PARD3B: variants seen among roughly 807,000 people sequenced by gnomAD.
PARD3B encodes the protein par-3 family cell polarity regulator beta.
In PARD3B, 103 loss-of-function variants were observed where a neutral mutation model predicts 130.2. That is an observed-to-expected ratio of 0.79 (90% confidence interval 0.67 to 0.93). The LOEUF (loss-of-function observed/expected upper bound fraction) is 0.93. PARD3B is among the 40% of genes least tolerant of loss of function. The probability of loss-of-function intolerance (pLI) is 0.00; values close to 1 mark genes in which losing one functional copy is unlikely to be tolerated. For missense variants in PARD3B, 1,609 were observed against 1,499.2 expected (o/e 1.07, Z -1.21); for synonymous variants, 583 against 553.2 (o/e 1.05, Z -0.76).
intron 2 of PARD3B, among the ~76,000 whole-genome samples, chr2:204,961,467 T>C (rs1480140525): frequency 7.2e-5 from 11 of 152,172 alleles, no homozygotes; most frequent in Non-Finnish European, 1.5e-4. Context: ...TAAAGAGCTA[T>C]GGAAAGAGCT....
intron 2 of PARD3B, among the ~76,000 whole-genome samples, chr2:204,944,507 C>T (rs182362765): frequency 2.9e-3 from 449 of 152,286 alleles, no homozygotes; most frequent in African/African-American, 9.7e-3. Flanking sequence ...TTGTGAAAGT[C>T]CTGTCTGAGG....
chr2:204,661,384 G>T (rs1299711331), intron 1 of PARD3B, among the ~76,000 whole-genome samples: 1 of 152,104 alleles, frequency 6.6e-6, no homozygotes, highest in Non-Finnish European at 1.5e-5. Context: ...AGATGCTGCT[G>T]TTGAAGGCCT....
intron 1 of PARD3B, among the ~76,000 whole-genome samples, chr2:204,633,453 C>T (rs983166715): frequency 6.6e-6 from 1 of 152,122 alleles, no homozygotes; most frequent in African/African-American, 2.4e-5. Flanking sequence ...CATCTAAAAA[C>T]AGTTAATTTA....
chr2:204,770,888 T>C (rs2041342567), intron 2 of PARD3B, among the ~76,000 whole-genome samples: 1 of 152,086 alleles, frequency 6.6e-6, no homozygotes, highest in Admixed American at 6.6e-5. Context: ...ATTTTTAATC[T>C]CTTGTGCAAT....
At chr2:205,488,118 TAAAC>T (rs1196872456) in intron 20 of PARD3B, among the ~76,000 whole-genome samples, 2 of 152,212 alleles carry the variant, frequency 1.3e-5, no homozygotes, top group African/African-American at 4.8e-5. Context: ...AGTCATGTCT[TAAAC>T]AAGGTTAGTT....
At chr2:204,639,125 G>C (rs758814315) in intron 1 of PARD3B, among the ~76,000 whole-genome samples, 4 of 152,200 alleles carry the variant, frequency 2.6e-5, no homozygotes, top group Non-Finnish European at 5.9e-5. Context: ...AGGACACAGG[G>C]ATTGGGGAAA....
rs1259255399 is a variant in PARD3B at position 205,126,603 on chromosome 2, G to A, written c.1434+866G>A. ...AAAAATACAAAAAAAAAAATTAGCC[G>A]GGCGCGGTGGCGGGCACCTGTAGTC... is the stretch of plus-strand genomic sequence containing the variant. On this transcript the variant is annotated intron_variant, in intron 10 of 22. Transcript: ENST00000406610. 6.6e-5 allele frequency among the ~76,000 whole-genome samples: 10 copies of A among 150,706 alleles called. No homozygotes were observed. In the South Asian group the frequency reaches 8.4e-4, roughly 13 times the overall value.
rs896918831 is a variant in PARD3B, at chr2:205,470,149, G to A, written c.3044+29477G>A. Among the ~76,000 whole-genome samples the A allele has an allele frequency of 6.6e-6, 1 of 152,070 alleles. No individual in the cohort carries two copies. Among genetic ancestry groups the A allele is most frequent in the Non-Finnish European group, 1.5e-5 (1 of 68,010 alleles). ...AAGTGATCTCAGCATTTTTTTTCCA[G>A]TTCCAAAATTATATGGTTCTGCAAT... is the stretch of plus-strand genomic sequence containing the variant. On this transcript the variant is annotated intron_variant, in intron 20 of 22. Transcript: ENST00000406610. The surrounding 1 kb of genome is among the most constrained non-coding windows in gnomAD (Gnocchi z 4.8).
rs1438329736 is a variant in PARD3B, at chr2:205,352,733, G to C, written c.2631-48280G>C. Among the ~76,000 whole-genome samples, 1 of 152,064 alleles carries C rather than the reference G, an allele frequency of 6.6e-6. No individual in the cohort carries two copies. The highest frequency in any genetic ancestry group is 1.9e-4 in the East Asian group (1 of 5,184). On this transcript the variant is annotated intron_variant, in intron 18 of 22. Transcript: ENST00000406610. The surrounding 1 kb of genome is among the most constrained non-coding windows in gnomAD (Gnocchi z 5.2). Reference sequence around the variant, plus strand: ...CCCTCATGCTTTGCACCTAAAGTGTGCTCATAACTTTGCAGCCATGAGCCA... The same window carrying C: ...CCCTCATGCTTTGCACCTAAAGTGTCCTCATAACTTTGCAGCCATGAGCCA...
intron 3 of PARD3B, among the ~76,000 whole-genome samples, chr2:205,025,347 A>G (rs899536458): frequency 6.6e-6 from 1 of 152,272 alleles, no homozygotes; most frequent in South Asian, 2.1e-4. Context: ...GTCATTGCCA[A>G]AAGTGTCAGC....
intron 20 of PARD3B, among the ~76,000 whole-genome samples, chr2:205,478,368 G>C (rs60323754): frequency 0.038 from 5,857 of 152,234 alleles, 386 homozygotes; most frequent in African/African-American, 0.13. Context: ...ACTTCAAAAT[G>C]TAGGTTGTTG....
chr2:205,076,847 CTG>C (rs1701096336), intron 4 of PARD3B, among the ~76,000 whole-genome samples: 1 of 152,144 alleles, frequency 6.6e-6, no homozygotes, highest in African/African-American at 2.4e-5. Context: ...TCTAGATAAT[CTG>C]TGTTTCATTA....
At chr2:205,428,795 T>C (rs2047231130) in intron 19 of PARD3B, among the ~76,000 whole-genome samples, 2 of 152,148 alleles carry the variant, frequency 1.3e-5, no homozygotes, top group Admixed American at 1.3e-4. Context: ...TATGGGCTTT[T>C]TTTCCCCCAG....
At chr2:205,516,850 A>T (rs1177856670) in intron 21 of PARD3B, among the ~76,000 whole-genome samples, 1 of 152,138 alleles carries the variant, frequency 6.6e-6, no homozygotes, top group Non-Finnish European at 1.5e-5. Flanking sequence ...GACAGATTTC[A>T]AGAGAAATGC....
intron 2 of PARD3B, among the ~76,000 whole-genome samples, chr2:204,691,060 G>A (rs1307267119): frequency 2.0e-5 from 3 of 152,014 alleles, no homozygotes; most frequent in Non-Finnish European, 4.4e-5. Context: ...TCAGTTTCTC[G>A]CTGCAGTATG....
rs1016692192 is a variant in PARD3B, at chr2:205,288,516, C to T, written c.2186-12014C>T. ...TTCTCTGAATACCAATATCATCAAG[C>T]GTTTACTCTGGTAAAAAAACTTCAT... On this transcript the variant is annotated intron_variant, in intron 16 of 22. Transcript: ENST00000406610. This position sits in a 1 kb window ranked among gnomAD's most constrained non-coding sequence, Gnocchi z 4.0. 3.3e-5 allele frequency among the ~76,000 whole-genome samples: 5 copies of T among 152,120 alleles called. No homozygotes were observed. Among genetic ancestry groups the T allele is most frequent in the Non-Finnish European group, 5.9e-5 (4 of 68,028 alleles).
At chr2:204,638,120 T>C (rs977212673) in intron 1 of PARD3B, among the ~76,000 whole-genome samples, 1 of 152,202 alleles carries the variant, frequency 6.6e-6, no homozygotes, top group Non-Finnish European at 1.5e-5. Flanking sequence ...CGTTTTCTTA[T>C]ACAAAAATGG....
At chr2:204,854,061 A>G (rs924419256) in intron 2 of PARD3B, among the ~76,000 whole-genome samples, 2 of 152,136 alleles carry the variant, frequency 1.3e-5, no homozygotes, top group African/African-American at 4.8e-5. Flanking sequence ...GCATTTGCGA[A>G]GATCCTGAGA....
chr2:205,560,760 G>A (rs1467414157), intron 22 of PARD3B, among the ~76,000 whole-genome samples: 1 of 152,198 alleles, frequency 6.6e-6, no homozygotes, highest in East Asian at 1.9e-4. Flanking sequence ...ATCTCAAGCA[G>A]CTTTCAACTT....
Sources: allele counts gnomAD v4.1 joint callset (sites outside exome capture counted in the v4.1 genomes callset), GRCh38; gene constraint gnomAD v4.1.1; non-coding constraint Gnocchi (gnomAD v3.1); transcripts MANE v1.5; gene names NCBI Gene and HGNC (gene_info 2026-07-23, HGNC 2026-07-21).